The following COL13A1 variants were observed in gnomAD, a reference collection of about 807,000 sequenced individuals.
The protein encoded by COL13A1 is collagen type XIII alpha 1 chain.
Under a neutral mutation model 130.9 loss-of-function variants are expected in COL13A1, and 89 were observed. The ratio of observed to expected loss-of-function variants is 0.68; its 90% CI spans 0.57 to 0.81. The LOEUF (loss-of-function observed/expected upper bound fraction) is 0.81. Ranked by LOEUF, COL13A1 falls within the 30% of genes least tolerant of loss-of-function variation. The pLI is 0.00. For missense variants in COL13A1, 879 were observed against 934.6 expected (o/e 0.94, Z 0.78); for synonymous variants, 402 against 341.6 (o/e 1.18, Z -1.95).
At position 69,880,544 on chromosome 10, in the gene COL13A1, C is replaced by T. The variant is rs774661098; in HGVS notation, c.504C>T (p.Arg168=). The change falls in exon 7 of 41, where the codon CGC becomes CGT. Residue 168 remains arginine, a synonymous_variant. Transcript: ENST00000645393. ...CTGGGCTGTCCATCATTGGTCCCCG[C>T]GGCCCCCCTGTAAGTTGTTTTTGCT... ...GDAGLSIIGP[R]GPPGQPGTRG... The T allele has an allele frequency of 9.9e-6, 16 of 1,613,382 alleles. No individual in the cohort carries two copies. Among genetic ancestry groups the T allele is most frequent in the African/African-American group, 1.3e-5 (1 of 75,028 alleles).
intron 20 of COL13A1, 82 bp downstream of exon 20, chr10:69,919,170 C>G: frequency 6.3e-7 from 1 of 1,578,970 alleles, no homozygotes; most frequent in Non-Finnish European, 8.7e-7. Context: ...CTGTTTTGCT[C>G]TTGGTCCCCC....
At chr10:69,807,169 T>C (rs1352001394) in intron 1 of COL13A1, among the ~76,000 whole-genome samples, 2 of 152,168 alleles carry the variant, frequency 1.3e-5, no homozygotes, top group Admixed American at 1.3e-4. Flanking sequence ...TGTCCTGTAG[T>C]TATAGGGTGC....
chr10:69,937,921 G>A (rs994033961), intron 34 of COL13A1, among the ~76,000 whole-genome samples: 2 of 152,236 alleles, frequency 1.3e-5, no homozygotes, highest in African/African-American at 4.8e-5. Context: ...CTGGGGAAAG[G>A]CAATGCTGAA....
At chr10:69,809,150 G>A (rs1201514206) in intron 1 of COL13A1, among the ~76,000 whole-genome samples, 1 of 152,180 alleles carries the variant, frequency 6.6e-6, no homozygotes, top group Non-Finnish European at 1.5e-5. Flanking sequence ...TTGAACCCCT[G>A]CCACTAACTG....
At chr10:69,921,962 C>G (rs766178317) in intron 22 of COL13A1, 27 bp downstream of exon 22, 3 of 1,588,018 alleles carry the variant, frequency 1.9e-6, no homozygotes, top group African/African-American at 2.7e-5. Context: ...ATGGAGGGTT[C>G]AAGTCCTTCG....
intron 2 of COL13A1, among the ~76,000 whole-genome samples, chr10:69,822,712 G>C (rs569187303): frequency 5.9e-5 from 9 of 152,150 alleles, no homozygotes; most frequent in Non-Finnish European, 1.2e-4. Context: ...TAAGATGATG[G>C]GCATGACTGT....
At chr10:69,928,551 T>G (rs2135780179) in intron 27 of COL13A1, among the ~76,000 whole-genome samples, 1 of 152,354 alleles carries the variant, frequency 6.6e-6, no homozygotes, top group East Asian at 1.9e-4. Flanking sequence ...GAGTAGTATT[T>G]CATTGTATGG....
At position 69,878,043 on chromosome 10, in the gene COL13A1, T is replaced by C. The variant is rs1281228473; in HGVS notation, c.440T>C (p.Val147Ala). ...TGTTGCATGTGGCTGCCCCAGGGAG[T>C]AAAGGGCCAACCAGGCGAGAAGGTG... is the stretch of plus-strand genomic sequence containing the variant. ...GAIGMPGRVG[V>A]KGQPGEKGSP... The change falls in exon 6 of 41, where the codon GTA becomes GCA. Residue 147 changes from valine to alanine, a missense_variant. Around this residue, in one of 3 missense-constraint regions of COL13A1, gnomAD observed 715 missense variants for 721.0 expected, o/e 0.99. Transcript: ENST00000645393. The C allele has an allele frequency of 1.4e-6, 1 of 702,698 alleles. No homozygotes were observed. The highest frequency in any genetic ancestry group is 1.5e-5 in the South Asian group (1 of 67,556). 43.5% of individuals were successfully genotyped at this position (702,698 alleles called of 1,614,324 possible). A position where few individuals can be genotyped will look rare whatever the true frequency, so the allele number is the denominator to read the frequency against.
intron 2 of COL13A1, among the ~76,000 whole-genome samples, chr10:69,828,506 G>A (rs568537801): frequency 6.6e-6 from 1 of 152,314 alleles, no homozygotes; most frequent in South Asian, 2.1e-4. Flanking sequence ...TCTCTAGCCT[G>A]ATCTCTGACC....
intron 17 of COL13A1, among the ~76,000 whole-genome samples, chr10:69,911,202 C>G (rs1817511855): frequency 6.6e-6 from 1 of 152,100 alleles, no homozygotes; most frequent in Non-Finnish European, 1.5e-5. Flanking sequence ...CTTCCCCTTG[C>G]CCCTTCTCAA....
chr10:69,821,328 A>G (rs1846019984), intron 1 of COL13A1, among the ~76,000 whole-genome samples: 1 of 152,212 alleles, frequency 6.6e-6, no homozygotes, highest in Non-Finnish European at 1.5e-5. Flanking sequence ...CCAGCTTCCT[A>G]TGGCTGCATG....
chr10:69,924,035 T>A (rs2065033898), intron 24 of COL13A1, among the ~76,000 whole-genome samples, 180 bp downstream of exon 24: 1 of 152,184 alleles, frequency 6.6e-6, no homozygotes, highest in Non-Finnish European at 1.5e-5. Context: ...ACAGCAGTCA[T>A]GCAAAAGCCA....
chr10:69,880,445 C>T, intron 6 of COL13A1, 58 bp from the exon 7 acceptor site: 1 of 995,590 alleles, frequency 1.0e-6, no homozygotes, highest in Non-Finnish European at 1.6e-6. Context: ...CTTTCCCGCT[C>T]CTCTTCTCCA....
chr10:69,927,703 A>T (rs549067247), intron 27 of COL13A1, among the ~76,000 whole-genome samples: 38 of 152,342 alleles, frequency 2.5e-4, no homozygotes, highest in African/African-American at 8.9e-4. Flanking sequence ...CTGACTACTG[A>T]AATTTCAATT....
chr10:69,905,033 A>T, intron 16 of COL13A1, 74 bp downstream of exon 16: 1 of 1,497,704 alleles, frequency 6.7e-7, no homozygotes, highest in Non-Finnish European at 9.0e-7. Context: ...GGCAGCACAG[A>T]AGGTGACTGA....
chr10:69,863,122 C>T (rs1195946526), intron 2 of COL13A1, among the ~76,000 whole-genome samples: 1 of 152,120 alleles, frequency 6.6e-6, no homozygotes, highest in Non-Finnish European at 1.5e-5. Flanking sequence ...GTTTCTCATC[C>T]TTAGCACGAT....
intron 14 of COL13A1, among the ~76,000 whole-genome samples, chr10:69,900,322 T>G (rs1389834981): frequency 4.6e-5 from 7 of 152,210 alleles, no homozygotes; most frequent in Non-Finnish European, 2.9e-5. Flanking sequence ...AATTATCTCA[T>G]GCATTCCCCA....
chr10:69,952,964 C>CCT lies in COL13A1; in HGVS notation c.2141_2142insCT (p.Leu715TyrfsTer30), dbSNP rs777393436. On this transcript the variant is annotated frameshift_variant, in exon 39 of 41. Coordinates refer to ENST00000645393, the MANE Select transcript of COL13A1 (RefSeq NM_001368882.1). LOFTEE classifies it high-confidence loss of function. ...GCGCCTGGATTAGATGCCCCCTGCC[C>CCT]ATTGGTATGTTTTTGTTTATCACTT... 1 of 1,532,506 alleles carries CCT rather than the reference C, an allele frequency of 6.5e-7. No individual in the cohort carries two copies. The highest frequency in any genetic ancestry group is 2.5e-5 in the East Asian group (1 of 39,652). 94.9% of individuals were successfully genotyped at this position (1,532,506 alleles called of 1,614,324 possible).
chr10:69,931,405 A>C (rs1589605306), intron 30 of COL13A1: 1 of 341,636 alleles, frequency 2.9e-6, no homozygotes, highest in African/African-American at 2.2e-5. Flanking sequence ...GCAGGCAGGG[A>C]GGGTCCTCTT....
Sources: allele counts gnomAD v4.1 joint callset (sites outside exome capture counted in the v4.1 genomes callset), GRCh38; gene constraint gnomAD v4.1.1; regional missense constraint gnomAD v4.1.1; transcripts MANE v1.5; gene names NCBI Gene and HGNC (gene_info 2026-07-23, HGNC 2026-07-21).